ATXN7L1: variants seen among roughly 807,000 people sequenced by gnomAD.
The protein encoded by ATXN7L1 is ataxin-7-like protein 1.
A neutral mutation model predicts 70.8 loss-of-function variants in ATXN7L1; 15 were observed. The observed-to-expected ratio is 0.21, with a 90% CI of 0.14 to 0.33. ATXN7L1 has a LOEUF of 0.33. ATXN7L1 is among the 10% of genes least tolerant of loss of function. ATXN7L1 has a pLI of 1.00. For synonymous variants in ATXN7L1, 440 were observed against 445.1 expected, an observed-to-expected ratio of 0.99 and a Z score of 0.14; for missense variants, 975 against 1,097.1, an observed-to-expected ratio of 0.89 and a Z score of 1.57.
chr7:105,793,117 G>A (rs1420104379), intron 2 of ATXN7L1, among the ~76,000 whole-genome samples: 1 of 152,212 alleles, frequency 6.6e-6, no homozygotes, highest in East Asian at 1.9e-4. Context: ...TTCTTACGTA[G>A]AACAACATCC....
intron 2 of ATXN7L1, among the ~76,000 whole-genome samples, chr7:105,807,983 C>T (rs1197067694): frequency 6.6e-6 from 1 of 152,256 alleles, no homozygotes; most frequent in Non-Finnish European, 1.5e-5. Context: ...GCATCTCCTT[C>T]CAGCTCTGAA....
chr7:105,860,200 A>G (rs2116652894), intron 2 of ATXN7L1, among the ~76,000 whole-genome samples: 1 of 137,630 alleles, frequency 7.3e-6, no homozygotes, highest in Admixed American at 7.8e-5. Context: ...CTAATGTTTA[A>G]TTCTATAGGT....
intron 3 of ATXN7L1, among the ~76,000 whole-genome samples, chr7:105,685,593 G>A (rs1209697195): frequency 1.3e-5 from 2 of 152,092 alleles, no homozygotes; most frequent in East Asian, 1.9e-4. Context: ...TACCATATTT[G>A]CAGAGGGGCC....
chr7:105,827,198 G>A (rs1257318516), intron 2 of ATXN7L1, among the ~76,000 whole-genome samples: 1 of 152,202 alleles, frequency 6.6e-6, no homozygotes, highest in African/African-American at 2.4e-5. Flanking sequence ...CATATTTGCT[G>A]AAACTGACTT....
At chr7:105,786,721 C>A (rs188638375) in intron 3 of ATXN7L1, among the ~76,000 whole-genome samples, 104 of 152,066 alleles carry the variant, frequency 6.8e-4, no homozygotes, top group Middle Eastern at 6.8e-3. Flanking sequence ...CACTATGTTG[C>A]CCAGGCTGGT....
At chr7:105,670,090 T>C (rs35843104) in intron 3 of ATXN7L1, among the ~76,000 whole-genome samples, 7,604 of 152,260 alleles carry the variant, frequency 0.05, 265 homozygotes, top group Middle Eastern at 0.079. Context: ...TTTGTTTCTC[T>C]AGTCTATGAA....
At chr7:105,710,744 C>G (rs1793803841) in intron 3 of ATXN7L1, among the ~76,000 whole-genome samples, 1 of 152,180 alleles carries the variant, frequency 6.6e-6, no homozygotes, top group African/African-American at 2.4e-5. Context: ...TTTAAACCAT[C>G]TGGCCAGTGC....
intron 2 of ATXN7L1, among the ~76,000 whole-genome samples, chr7:105,790,628 A>G (rs1805022212): frequency 6.6e-6 from 1 of 150,790 alleles, no homozygotes; most frequent in Admixed American, 6.7e-5. Context: ...CTATCTATCT[A>G]TCTATCTATC....
chr7:105,829,974 T>C (rs1252478716), intron 2 of ATXN7L1, among the ~76,000 whole-genome samples: 1 of 152,226 alleles, frequency 6.6e-6, no homozygotes, highest in Admixed American at 6.5e-5. Context: ...GCAAGCCTTC[T>C]AAGTAGGCAG....
chr7:105,634,666 A>G (rs917737378), intron 7 of ATXN7L1, among the ~76,000 whole-genome samples: 1 of 152,206 alleles, frequency 6.6e-6, no homozygotes, highest in Non-Finnish European at 1.5e-5. Flanking sequence ...TCAGATGAAA[A>G]AAACTATTAT....
intron 3 of ATXN7L1, among the ~76,000 whole-genome samples, chr7:105,755,498 T>C (rs980506407): frequency 4.6e-5 from 7 of 152,218 alleles, no homozygotes; most frequent in African/African-American, 1.7e-4. Flanking sequence ...TCCATTACTA[T>C]AAGTGATAAC....
At chr7:105,830,300 C>T (rs1025164446) in intron 2 of ATXN7L1, among the ~76,000 whole-genome samples, 6 of 152,234 alleles carry the variant, frequency 3.9e-5, no homozygotes, top group African/African-American at 1.4e-4. Flanking sequence ...TCGGCTTTGC[C>T]TTAAGATTTT....
At chr7:105,740,448 CA>C (rs1797869495) in intron 3 of ATXN7L1, among the ~76,000 whole-genome samples, 1 of 152,138 alleles carries the variant, frequency 6.6e-6, no homozygotes, top group African/African-American at 2.4e-5. Flanking sequence ...CAGTGGTTCT[CA>C]ACACTAGAAA....
intron 7 of ATXN7L1, among the ~76,000 whole-genome samples, chr7:105,633,807 AAG>A (rs1432212309): frequency 4.7e-5 from 7 of 148,386 alleles, no homozygotes; most frequent in East Asian, 1.9e-4. Flanking sequence ...TGCCAGATAA[AAG>A]AGAGGAGGAG....
At chr7:105,738,274 T>C (rs1392631634) in intron 3 of ATXN7L1, among the ~76,000 whole-genome samples, 1 of 152,242 alleles carries the variant, frequency 6.6e-6, no homozygotes, top group East Asian at 1.9e-4. Context: ...GCACTACTGC[T>C]GTGTCAGTTG....
intron 2 of ATXN7L1, among the ~76,000 whole-genome samples, chr7:105,821,258 T>G (rs1475762699): frequency 6.6e-6 from 1 of 152,092 alleles, no homozygotes; most frequent in Non-Finnish European, 1.5e-5. Context: ...AGGCTGGTCT[T>G]GAACTCCCAA....
At chr7:105,853,519 A>G (rs1311886271) in intron 2 of ATXN7L1, among the ~76,000 whole-genome samples, 1 of 151,838 alleles carries the variant, frequency 6.6e-6, no homozygotes, top group African/African-American at 2.4e-5. Context: ...GCACCATTAC[A>G]CTCCAGCCTG....
In ATXN7L1 at chr7:105,850,991, C is replaced by T. The variant is rs770771478; in HGVS notation, c.250+24821G>A. 3.0e-4 allele frequency among the ~76,000 whole-genome samples: 45 copies of T among 152,148 alleles called. 1 individual carries two copies. The highest frequency in any genetic ancestry group is 3.3e-4 in the Admixed American group (5 of 15,282). Reference sequence around the variant, plus strand: ...TATAACTTACCTCTTCACCTAGACACTTCCAAACTCAACTTCCCACAACAC... The same window carrying T: ...TATAACTTACCTCTTCACCTAGACATTTCCAAACTCAACTTCCCACAACAC... On this transcript the variant is annotated intron_variant, in intron 2 of 11. Coordinates refer to ENST00000419735, the MANE Select transcript of ATXN7L1 (RefSeq NM_020725.2).
At chr7:105,642,764 A>G (rs1214928088) in intron 5 of ATXN7L1, 74 bp downstream of exon 5, 2 of 1,449,922 alleles carry the variant, frequency 1.4e-6, no homozygotes, top group Non-Finnish European at 1.9e-6. Flanking sequence ...ATAACAGCAC[A>G]TCACTCCTTC....
Sources: allele counts gnomAD v4.1 joint callset (sites outside exome capture counted in the v4.1 genomes callset), GRCh38; gene constraint gnomAD v4.1.1; transcripts MANE v1.5; gene names NCBI Gene and HGNC (gene_info 2026-07-23, HGNC 2026-07-21).